The following DOCK11 variants were observed in gnomAD, a reference collection of about 807,000 sequenced individuals.
The protein encoded by DOCK11 is dedicator of cytokinesis protein 11.
In DOCK11, 70 loss-of-function variants were observed where a neutral mutation model predicts 169.1. The ratio of observed to expected loss-of-function variants is 0.41; its 90% CI spans 0.34 to 0.51. The LOEUF is 0.51. Among genes scored for constraint, DOCK11 ranks in the 20% least tolerant of loss-of-function variants. The pLI, the probability that DOCK11 is intolerant of heterozygous loss-of-function variation, is 0.10. For missense variants in DOCK11, 1,166 were observed against 1,538.8 expected (o/e 0.76, Z 4.05); for synonymous variants, 529 against 541.3 (o/e 0.98, Z 0.32).
intron 19 of DOCK11, among the ~76,000 whole-genome samples, chrX:118,592,596 T>C (rs2014038289): frequency 8.9e-6 from 1 of 112,151 alleles, no homozygotes; most frequent in Admixed American, 9.5e-5. Flanking sequence ...ATTACAAACA[T>C]TCGGTTGGGA....
At chrX:118,675,387 G>A (rs1217256141) in intron 46 of DOCK11, among the ~76,000 whole-genome samples, 2 of 112,210 alleles carry the variant, frequency 1.8e-5, no homozygotes, top group East Asian at 2.8e-4. Flanking sequence ...GTAGAAAATA[G>A]TAGTTGATAA....
At position 118,619,541 on chromosome X, in the gene DOCK11, CTG is replaced by C. The variant is rs1384210888; in HGVS notation, c.3471+815_3471+816del. ...TTTAGTTAACTGTTAAAGAAATACA[CTG>C]TTTTCTCAACTCATACTTAAAGAAT... On this transcript the variant is annotated intron_variant, in intron 31 of 52. Coordinates refer to ENST00000276202, the MANE Select transcript of DOCK11 (RefSeq NM_144658.4). 1.8e-4 allele frequency among the ~76,000 whole-genome samples: 19 copies of C among 104,724 alleles called. 1 individual carries two copies. The Admixed American group carries it at 2.0e-3, about 11-fold the overall frequency. The allele number at this position is 104,724 out of a possible 115,157, so 90.9% of individuals were successfully genotyped here. A position where few individuals can be genotyped will look rare whatever the true frequency, so the allele number is the denominator to read the frequency against.
chrX:118,577,454 T>TA (rs2013483114), intron 12 of DOCK11, among the ~76,000 whole-genome samples: 1 of 112,303 alleles, frequency 8.9e-6, no homozygotes, highest in Non-Finnish European at 1.9e-5. Context: ...ACCTGAGACT[T>TA]AGAGAGAATG....
Position 118,643,475 on chromosome X carries a change from G to A in DOCK11, c.4279G>A (p.Asp1427Asn). The part of the protein sequence containing the change: ...QCFKTQLLNN[D>N]GHNPLMKKVF... ...TTTATAGACCCAACTTTTAAATAAT[G>A]ATGGCCATAACCCATTAATGAAAAA... The change falls in exon 40 of 53, where the codon GAT becomes AAT. Residue 1427 changes from aspartate (D) to asparagine (N), a missense_variant. Physicochemically the swap from Asp to Asn is conservative, Grantham distance 23 (BLOSUM62 1). Coordinates refer to ENST00000276202, the MANE Select transcript of DOCK11 (RefSeq NM_144658.4). The A allele has an allele frequency of 8.3e-7, 1 of 1,206,776 alleles. No homozygotes were observed. The highest frequency in any genetic ancestry group is 1.1e-6 in the Non-Finnish European group (1 of 893,094).
intron 1 of DOCK11, among the ~76,000 whole-genome samples, chrX:118,499,532 G>A (rs764222366): frequency 8.9e-5 from 10 of 111,787 alleles, no homozygotes; most frequent in Non-Finnish European, 1.5e-4. Flanking sequence ...CCAACCCGCC[G>A]CTCACAACTA....
At chrX:118,497,035 C>T (rs184006588) in intron 1 of DOCK11, among the ~76,000 whole-genome samples, 1 of 112,640 alleles carries the variant, frequency 8.9e-6, no homozygotes, top group East Asian at 2.8e-4. Flanking sequence ...ACACTCGTTG[C>T]CAGTTTCCTG....
At chrX:118,588,812 C>T (rs1296805377) in intron 18 of DOCK11, among the ~76,000 whole-genome samples, 2 of 111,880 alleles carry the variant, frequency 1.8e-5, no homozygotes, top group Non-Finnish European at 3.8e-5. Context: ...ACTCCTTTCT[C>T]CTTGAAACCT....
rs2016395528 is a variant in DOCK11 at position 118,668,703 on chromosome X, T to C, written c.5077-2320T>C. The stretch of plus-strand genomic sequence containing the variant: ...ATAATACGTAAATAATGTACAAATA[T>C]AGTGATAAATCTTTGCCAAAAAAGT... On this transcript the variant is annotated intron_variant, in intron 45 of 52. Transcript: ENST00000276202. 2.7e-5 allele frequency among the ~76,000 whole-genome samples: 3 copies of C among 111,590 alleles called. No homozygotes were observed. In the South Asian group the frequency reaches 1.1e-3, roughly 41 times the overall value.
intron 51 of DOCK11, among the ~76,000 whole-genome samples, chrX:118,682,371 T>TAATC (rs1412028909): frequency 9.0e-6 from 1 of 111,526 alleles, no homozygotes; most frequent in African/African-American, 3.3e-5. Flanking sequence ...AGAAAGATGA[T>TAATC]AATCTATCCA....
intron 10 of DOCK11, among the ~76,000 whole-genome samples, chrX:118,571,291 C>T (rs747819753): frequency 5.4e-5 from 6 of 111,499 alleles, no homozygotes; most frequent in South Asian, 3.7e-4. Flanking sequence ...TTGTATTTCA[C>T]GACTAAGTTC....
intron 1 of DOCK11, among the ~76,000 whole-genome samples, chrX:118,522,887 G>A (rs1382950382): frequency 8.9e-6 from 1 of 111,785 alleles, no homozygotes; most frequent in African/African-American, 3.3e-5. Flanking sequence ...AGGGTGAGTA[G>A]ACCAGGAGGC....
Position 118,496,082 on chromosome X carries a change from C to A in DOCK11, c.102+9C>A, listed in dbSNP as rs2057534341. 1 of 1,010,916 alleles carries A rather than the reference C, an allele frequency of 9.9e-7. No individual in the cohort carries two copies. Among genetic ancestry groups the A allele is most frequent in the Non-Finnish European group, 1.3e-6 (1 of 795,099 alleles). 83.3% of individuals were successfully genotyped at this position (1,010,916 alleles called of 1,213,427 possible). A position where few individuals can be genotyped will look rare whatever the true frequency, so the allele number is the denominator to read the frequency against. On this transcript the variant is annotated intron_variant, in intron 1 of 52. Coordinates refer to ENST00000276202, the MANE Select transcript of DOCK11 (RefSeq NM_144658.4). ...GGGGCTCCGTGGTGCTGGTGAGTGG[C>A]CGGGGGACGGGGCATCCCGGGGGAC...
intron 44 of DOCK11, among the ~76,000 whole-genome samples, chrX:118,657,259 T>C (rs2016096178): frequency 9.0e-6 from 1 of 111,639 alleles, no homozygotes; most frequent in South Asian, 3.7e-4. Flanking sequence ...CATAATACCC[T>C]CAAGGTTTCT....
chrX:118,663,694 T>C (rs1400713700), intron 45 of DOCK11, among the ~76,000 whole-genome samples: 2 of 102,505 alleles, frequency 2.0e-5, no homozygotes, highest in Non-Finnish European at 4.0e-5. Context: ...TTTTTTTTTT[T>C]TTATGGAGTC....
At chrX:118,501,487 A>G (rs2057575971) in intron 1 of DOCK11, among the ~76,000 whole-genome samples, 2 of 112,171 alleles carry the variant, frequency 1.8e-5, no homozygotes, top group African/African-American at 6.5e-5. Context: ...CTCCGACTCA[A>G]AAAAAGTAAT....
chrX:118,627,677 C>T, intron 33 of DOCK11, 98 bp downstream of exon 33: 2 of 611,993 alleles, frequency 3.3e-6, no homozygotes, highest in South Asian at 5.8e-5. Flanking sequence ...AAAGACCATA[C>T]ATAGCTTGAT....
intron 1 of DOCK11, among the ~76,000 whole-genome samples, chrX:118,517,166 A>T (rs1057462775): frequency 3.6e-5 from 4 of 110,944 alleles, no homozygotes; most frequent in African/African-American, 6.6e-5. Context: ...TGGGAGGATC[A>T]TTTGAGCCCA....
At chrX:118,499,029 G>T (rs2057556166) in intron 1 of DOCK11, among the ~76,000 whole-genome samples, 1 of 112,157 alleles carries the variant, frequency 8.9e-6, no homozygotes, top group Non-Finnish European at 1.9e-5. Flanking sequence ...TTAACCCAGG[G>T]AAAGGGATAA....
chrX:118,634,761 CTGTT>C (rs2015344018), intron 35 of DOCK11, among the ~76,000 whole-genome samples: 1 of 112,152 alleles, frequency 8.9e-6, no homozygotes, highest in African/African-American at 3.2e-5. Context: ...GAGTCTCACT[CTGTT>C]GAGCCCAGGC....
Sources: gnomAD v4.1 joint callset for allele counts (sites outside exome capture counted in the v4.1 genomes callset) on GRCh38, gnomAD v4.1.1 for gene constraint, MANE v1.5 for transcripts, NCBI Gene and HGNC (gene_info 2026-07-23, HGNC 2026-07-21) for gene names.